The following ARID1B variants were observed in gnomAD, a reference collection of about 807,000 sequenced individuals.
The protein encoded by ARID1B is AT-rich interaction domain 1B.
In ARID1B, 30 loss-of-function variants were observed where a neutral mutation model predicts 212.3. The observed-to-expected ratio is 0.14, with a 90% CI of 0.11 to 0.19. The LOEUF is 0.19. ARID1B is among the 10% of genes least tolerant of loss of function. ARID1B has a pLI of 1.00. For missense variants in ARID1B, 2,891 were observed against 3,204.0 expected, an observed-to-expected ratio of 0.90 and a Z score of 2.36; for synonymous variants, 1,402 against 1,301.7, an observed-to-expected ratio of 1.08 and a Z score of -1.66.
chr6:156,847,591 G>T (rs527258212), intron 2 of ARID1B, among the ~76,000 whole-genome samples: 1 of 152,262 alleles, frequency 6.6e-6, no homozygotes, highest in South Asian at 2.1e-4. Flanking sequence ...AGTTTTGGAG[G>T]TTTCTTGCAG....
At chr6:157,047,957 A>C (rs1302470036) in intron 4 of ARID1B, among the ~76,000 whole-genome samples, 1 of 152,196 alleles carries the variant, frequency 6.6e-6, no homozygotes, top group Non-Finnish European at 1.5e-5. Flanking sequence ...TCATCAAGCT[A>C]CTTGAGATTT....
intron 4 of ARID1B, among the ~76,000 whole-genome samples, chr6:157,000,696 C>CTTTTTTTTTTTTTTTTTTT (rs10536002): frequency 1.0e-5 from 1 of 99,230 alleles, no homozygotes; most frequent in Non-Finnish European, 1.9e-5. Flanking sequence ...TCTAATTATT[C>CTTTTTTTTTTTTTTTTTTT]TTTTTTTTTT....
At chr6:156,871,753 A>T (rs1786152574) in intron 2 of ARID1B, 2 of 1,392,232 alleles carry the variant, frequency 1.4e-6, no homozygotes, top group Admixed American at 2.0e-5. Context: ...TCCTGCAGGA[A>T]CAGGGGCTTC....
At chr6:156,786,703 C>G (rs934600805) in intron 1 of ARID1B, among the ~76,000 whole-genome samples, 6 of 152,156 alleles carry the variant, frequency 3.9e-5, no homozygotes, top group Admixed American at 2.6e-4. Context: ...AATATCTACT[C>G]CAGACAGTCA....
At chr6:156,804,837 TTAC>T (rs1159914983) in intron 1 of ARID1B, among the ~76,000 whole-genome samples, 1 of 147,704 alleles carries the variant, frequency 6.8e-6, no homozygotes, top group Non-Finnish European at 1.5e-5. Flanking sequence ...TTGAAGAATT[TTAC>T]TACTAAGAGA....
intron 2 of ARID1B, among the ~76,000 whole-genome samples, chr6:156,853,470 G>A (rs959276722): frequency 2.0e-5 from 3 of 152,138 alleles, no homozygotes; most frequent in Non-Finnish European, 4.4e-5. Context: ...CACCCTGTAG[G>A]AGCAGTAGCT....
intron 2 of ARID1B, among the ~76,000 whole-genome samples, chr6:156,861,105 C>G (rs574464659): frequency 7.1e-4 from 108 of 152,232 alleles, no homozygotes; most frequent in Middle Eastern, 3.4e-3. Context: ...GAAAGGTAGA[C>G]AGAGGAGCCT....
intron 2 of ARID1B, among the ~76,000 whole-genome samples, chr6:156,846,772 C>G (rs529697235): frequency 6.6e-6 from 1 of 152,262 alleles, no homozygotes; most frequent in Non-Finnish European, 1.5e-5. Flanking sequence ...CTCCAGATGG[C>G]AAGTCCTCTT....
intron 4 of ARID1B, among the ~76,000 whole-genome samples, chr6:157,066,252 G>A (rs942867415): frequency 6.6e-6 from 1 of 152,188 alleles, no homozygotes; most frequent in Non-Finnish European, 1.5e-5. Flanking sequence ...GGATGTCATG[G>A]AAGAGAATAT....
Position 157,196,149 on chromosome 6 carries a change from A to G in ARID1B, c.4232-16A>G. On this transcript the variant is annotated splice_polypyrimidine_tract_variant and intron_variant, in intron 15 of 19. Coordinates refer to ENST00000636930, the MANE Select transcript of ARID1B (RefSeq NM_001374828.1). ...AGAAATGCCTAAATGTATGCATTTT[A>G]TTTAAAATATTGCAGTGCCTGGAAG... 1 of 1,611,000 alleles carries G rather than the reference A, an allele frequency of 6.2e-7. No individual in the cohort carries two copies. The highest frequency in any genetic ancestry group is 8.5e-7 in the Non-Finnish European group (1 of 1,179,338).
intron 3 of ARID1B, among the ~76,000 whole-genome samples, chr6:156,933,571 A>C (rs574162255): frequency 1.3e-5 from 2 of 152,274 alleles, no homozygotes; most frequent in African/African-American, 4.8e-5. Flanking sequence ...CACAAGCTTA[A>C]TTGTCACCCT....
intron 4 of ARID1B, among the ~76,000 whole-genome samples, chr6:157,061,499 G>A (rs1783339572): frequency 6.6e-6 from 1 of 152,008 alleles, no homozygotes; most frequent in Admixed American, 6.6e-5. Flanking sequence ...TTGTGGGGAG[G>A]AGTTCGGGCA....
At chr6:157,072,564 A>G (rs550487751) in intron 4 of ARID1B, 2 of 152,326 alleles carry the variant, frequency 1.3e-5, no homozygotes, top group Non-Finnish European at 2.9e-5. Context: ...TGTACTGTTT[A>G]TATTAATATG....
intron 5 of ARID1B, among the ~76,000 whole-genome samples, chr6:157,106,047 A>G (rs1433592848): frequency 6.6e-6 from 1 of 152,078 alleles, no homozygotes; most frequent in Non-Finnish European, 1.5e-5. Flanking sequence ...AGACCCAACA[A>G]TCCCACTTCA....
chr6:157,115,224 G>A (rs2128531758), intron 6 of ARID1B, among the ~76,000 whole-genome samples: 1 of 152,302 alleles, frequency 6.6e-6, no homozygotes, highest in South Asian at 2.1e-4. Flanking sequence ...ATAACTGTGA[G>A]TTTCTACAGT....
intron 2 of ARID1B, 116 bp downstream of exon 2, chr6:156,829,537 T>C (rs778472797): frequency 2.9e-5 from 33 of 1,146,698 alleles, no homozygotes; most frequent in South Asian, 6.3e-5. Flanking sequence ...GATTTTCTGC[T>C]TTAATTTTTA....
At chr6:157,118,733 T>A (rs1233900479) in intron 6 of ARID1B, among the ~76,000 whole-genome samples, 1 of 152,222 alleles carries the variant, frequency 6.6e-6, no homozygotes, top group Non-Finnish European at 1.5e-5. Flanking sequence ...AAGTTCCTTT[T>A]AAGCCAGCTA....
chr6:157,116,482 T>C (rs951641046), intron 6 of ARID1B, among the ~76,000 whole-genome samples: 6 of 148,878 alleles, frequency 4.0e-5, no homozygotes, highest in African/African-American at 1.5e-4. Context: ...CCTTTTTATC[T>C]AGTAAGCCAG....
chr6:156,872,127 C>T (rs527493566), intron 2 of ARID1B, among the ~76,000 whole-genome samples: 6 of 152,128 alleles, frequency 3.9e-5, no homozygotes, highest in Admixed American at 1.3e-4. Flanking sequence ...CTTCTCAAGG[C>T]GAGTGATCCT....
Sources: gnomAD v4.1 joint callset for allele counts (sites outside exome capture counted in the v4.1 genomes callset) on GRCh38, gnomAD v4.1.1 for gene constraint, MANE v1.5 for transcripts, NCBI Gene and HGNC (gene_info 2026-07-23, HGNC 2026-07-21) for gene names.